CCDC13: variants seen among roughly 807,000 people sequenced by gnomAD.
CCDC13 encodes the protein coiled-coil domain-containing protein 13.
Under a neutral mutation model 87.3 loss-of-function variants are expected in CCDC13, and 70 were observed. The observed-to-expected ratio is 0.80, with a 90% CI of 0.66 to 0.98. CCDC13 has a LOEUF of 0.98. Among genes scored for constraint, CCDC13 ranks in the 50% least tolerant of loss-of-function variants. The pLI is 0.00. For missense variants in CCDC13, 842 were observed against 892.0 expected, an observed-to-expected ratio of 0.94 and a Z score of 0.71; for synonymous variants, 317 against 360.3, an observed-to-expected ratio of 0.88 and a Z score of 1.36.
At chr3:42,713,094 C>T in intron 14 of CCDC13, 68 bp downstream of exon 14, 1 of 1,553,244 alleles carries the variant, frequency 6.4e-7, no homozygotes, top group Non-Finnish European at 8.8e-7. Context: ...AGTGCAGCTG[C>T]CTGGCTCCTC....
At chr3:42,716,738 G>A (rs1188620056) in intron 13 of CCDC13, among the ~76,000 whole-genome samples, 1 of 152,204 alleles carries the variant, frequency 6.6e-6, no homozygotes, top group Non-Finnish European at 1.5e-5. Context: ...CTGCTGGTGG[G>A]ACTATAAAGT....
intron 13 of CCDC13, among the ~76,000 whole-genome samples, chr3:42,728,021 C>T (rs1459556628): frequency 4.6e-5 from 7 of 152,324 alleles, no homozygotes; most frequent in Non-Finnish European, 7.3e-5. Context: ...AAGCCGACTA[C>T]GTGCTTTTTA....
At chr3:42,741,449 T>C (rs2125893043) in intron 8 of CCDC13, among the ~76,000 whole-genome samples, 1 of 152,276 alleles carries the variant, frequency 6.6e-6, no homozygotes, top group Middle Eastern at 3.4e-3. Context: ...ATTAAAACCC[T>C]GTCGTGGGCT....
At chr3:42,717,556 T>G (rs2125872234) in intron 13 of CCDC13, among the ~76,000 whole-genome samples, 1 of 152,346 alleles carries the variant, frequency 6.6e-6, no homozygotes, top group Middle Eastern at 3.4e-3. Flanking sequence ...AGATAACGGT[T>G]GCACAGTATT....
At chr3:42,739,052 T>TAAATAGC (rs1433669898) in intron 9 of CCDC13, among the ~76,000 whole-genome samples, 1 of 152,228 alleles carries the variant, frequency 6.6e-6, no homozygotes, top group African/African-American at 2.4e-5. Flanking sequence ...GGGTTTGTCA[T>TAAATAGC]AAATAGCTCT....
At chr3:42,735,655 T>C in intron 10 of CCDC13, 52 bp downstream of exon 10, 2 of 1,574,444 alleles carry the variant, frequency 1.3e-6, no homozygotes, top group Admixed American at 3.3e-5. Flanking sequence ...AGGAGCTGGA[T>C]GGACTTGCCC....
At chr3:42,716,756 C>T (rs980277564) in intron 13 of CCDC13, among the ~76,000 whole-genome samples, 2 of 152,150 alleles carry the variant, frequency 1.3e-5, no homozygotes, top group Non-Finnish European at 2.9e-5. Context: ...AGTGGTGCAG[C>T]CATTGTGGAA....
rs1386045243 is a variant in CCDC13, at chr3:42,768,971, C to A, written c.-7+4205G>T. On this transcript the variant is annotated intron_variant, in intron 1 of 15. Transcript: ENST00000310232. ...TGGCCAACATGGTTAAACCCTGTGTCGACTAAAAATATAAAAATTAGCTGG... is the reference window on the plus strand; with the variant it reads ...TGGCCAACATGGTTAAACCCTGTGTAGACTAAAAATATAAAAATTAGCTGG... 3.3e-5 allele frequency among the ~76,000 whole-genome samples: 5 copies of A among 151,936 alleles called. No individual in the cohort carries two copies. The East Asian group carries it at 9.7e-4, about 30-fold the overall frequency.
Position 42,752,530 on chromosome 3 carries a change from A to T in CCDC13, c.513+45T>A, listed in dbSNP as rs773152997. 4.0e-5 allele frequency: 65 copies of T among 1,611,150 alleles called. No homozygotes were observed. The East Asian group carries it at 1.3e-3, about 33-fold the overall frequency. On this transcript the variant is annotated intron_variant, in intron 4 of 15. Transcript: ENST00000310232. ...AAGCTAGGGAGGTTCCCTCTTGCCC[A>T]TGCTAGGAGTCCCCTCCAGAGGGAG...
intron 5 of CCDC13, among the ~76,000 whole-genome samples, chr3:42,749,474 A>G (rs1224227249): frequency 6.6e-6 from 1 of 152,218 alleles, no homozygotes; most frequent in African/African-American, 2.4e-5. Context: ...GGAACCTGAG[A>G]GGGTTGCTAG....
chr3:42,770,392 A>G (rs950115091), intron 1 of CCDC13, among the ~76,000 whole-genome samples: 3 of 152,170 alleles, frequency 2.0e-5, no homozygotes, highest in African/African-American at 7.2e-5. Context: ...GCACCAATTG[A>G]CATTCTGTAT....
At chr3:42,760,161 T>C (rs989394026) in intron 1 of CCDC13, among the ~76,000 whole-genome samples, 5 of 151,702 alleles carry the variant, frequency 3.3e-5, no homozygotes, top group Admixed American at 2.0e-4. Flanking sequence ...CGTGGTGACA[T>C]GTGCCTGTAA....
chr3:42,721,070 T>C (rs910106454), intron 13 of CCDC13, among the ~76,000 whole-genome samples: 1 of 152,252 alleles, frequency 6.6e-6, no homozygotes, highest in Non-Finnish European at 1.5e-5. Context: ...TGTTTGGCTT[T>C]CGTCAGGCTA....
intron 1 of CCDC13, among the ~76,000 whole-genome samples, chr3:42,761,563 A>G (rs1262622952): frequency 6.6e-6 from 1 of 152,200 alleles, no homozygotes; most frequent in Non-Finnish European, 1.5e-5. Context: ...CAGTGCCTGT[A>G]GCAGGGCCTG....
In CCDC13 at chr3:42,708,615, T is replaced by C. The variant is rs1361003295; in HGVS notation, c.*365A>G. 5.5e-6 allele frequency: 1 copy of C among 182,938 alleles called. No homozygotes were observed. The highest frequency in any genetic ancestry group is 2.4e-5 in the African/African-American group (1 of 42,018). The allele number at this position is 182,938 out of a possible 1,614,324, so 11.3% of individuals were successfully genotyped here. ...AAGGGCTCTTCTGTGTGTGAAGCCA[T>C]GGGGACATCCAGGGCTAGTACCTAG... On this transcript the variant is annotated 3_prime_UTR_variant, in exon 16 of 16. Coordinates refer to ENST00000310232, the MANE Select transcript of CCDC13 (RefSeq NM_144719.4).
chr3:42,722,828 G>A (rs371613244), intron 13 of CCDC13, among the ~76,000 whole-genome samples: 4 of 125,122 alleles, frequency 3.2e-5, no homozygotes, highest in African/African-American at 9.5e-5. Context: ...GACGAGTCTC[G>A]CTCAGTCACC....
At chr3:42,732,862 G>C (rs1698877869) in intron 12 of CCDC13, 25 bp downstream of exon 12, 1 of 1,540,888 alleles carries the variant, frequency 6.5e-7, no homozygotes, top group Admixed American at 2.0e-5. Flanking sequence ...AAAACTGTGA[G>C]AGTCCGGGGG....
intron 3 of CCDC13, among the ~76,000 whole-genome samples, chr3:42,753,713 G>C (rs943453768): frequency 4.6e-5 from 7 of 152,198 alleles, no homozygotes; most frequent in African/African-American, 1.7e-4. Context: ...AGACCTGAGT[G>C]AATGAACTGA....
chr3:42,770,643 C>G (rs1024342211), intron 1 of CCDC13: 12 of 152,372 alleles, frequency 7.9e-5, no homozygotes, highest in Admixed American at 3.3e-4. Flanking sequence ...AAGCTTTGTT[C>G]TTTTGCTCTT....
Sources: gnomAD v4.1 joint callset for allele counts (sites outside exome capture counted in the v4.1 genomes callset) on GRCh38, gnomAD v4.1.1 for gene constraint, MANE v1.5 for transcripts, NCBI Gene and HGNC (gene_info 2026-07-23, HGNC 2026-07-21) for gene names.